Variants in ARID4B observed in about 807,000 individuals in gnomAD.
ARID4B encodes AT-rich interaction domain 4B.
Under a neutral mutation model 147.5 loss-of-function variants are expected in ARID4B, and 26 were observed. The observed-to-expected ratio is 0.18, with a 90% confidence interval of 0.13 to 0.24. The LOEUF (loss-of-function observed/expected upper bound fraction) is 0.24, where lower values mean the gene tolerates loss of function less well. Ranked by LOEUF, ARID4B falls within the 10% of genes least tolerant of loss-of-function variation. The pLI, the probability that ARID4B is intolerant of heterozygous loss-of-function variation, is 1.00. For missense variants in ARID4B, 1,179 were observed against 1,511.5 expected (o/e 0.78, Z 3.65); for synonymous variants, 512 against 507.9 (o/e 1.01, Z -0.11).
At chr1:235,292,011 T>A (rs571010286) in intron 2 of ARID4B, among the ~76,000 whole-genome samples, 1 of 152,250 alleles carries the variant, frequency 6.6e-6, no homozygotes, top group East Asian at 1.9e-4. Context: ...AAAGGGTTTT[T>A]ACTATATTCT....
intron 8 of ARID4B, 128 bp downstream of exon 8, chr1:235,240,185 A>G: frequency 1.2e-6 from 1 of 802,670 alleles, no homozygotes; most frequent in Non-Finnish European, 1.9e-6. Flanking sequence ...AAGTAAGCTT[A>G]GTGTGAACTA....
At chr1:235,324,525 A>G (rs1489060248) in intron 2 of ARID4B, among the ~76,000 whole-genome samples, 1 of 152,240 alleles carries the variant, frequency 6.6e-6, no homozygotes, top group Non-Finnish European at 1.5e-5. Context: ...AAATTTAAAG[A>G]TTTGTTGTCG....
intron 2 of ARID4B, among the ~76,000 whole-genome samples, chr1:235,299,106 C>T (rs2103239179): frequency 6.6e-6 from 1 of 152,260 alleles, no homozygotes; most frequent in East Asian, 1.9e-4. Flanking sequence ...AGCAGTCTTA[C>T]TGTAAGTCTC....
chr1:235,304,804 A>T (rs1673430022), intron 2 of ARID4B, among the ~76,000 whole-genome samples: 2 of 152,218 alleles, frequency 1.3e-5, no homozygotes, highest in Non-Finnish European at 2.9e-5. Flanking sequence ...AATTAAGTGT[A>T]TTCTATGCAT....
Position 235,311,846 on chromosome 1 carries a change from C to T in ARID4B, c.6+15068G>A, listed in dbSNP as rs143219106. 4.2e-3 allele frequency among the ~76,000 whole-genome samples: 636 copies of T among 152,184 alleles called. 4 individuals are homozygous for T. The highest frequency in any genetic ancestry group is 0.015 in the African/African-American group (606 of 41,520). On this transcript the variant is annotated intron_variant, in intron 2 of 23. Coordinates refer to ENST00000264183, the MANE Select transcript of ARID4B (RefSeq NM_016374.6). The stretch of plus-strand genomic sequence containing the variant: ...ACTGAATACTAAGCACTGCTACATA[C>T]CTGCAAAACTTAAAGAAACATACCG...
At chr1:235,265,714 A>T (rs1414603151) in intron 2 of ARID4B, among the ~76,000 whole-genome samples, 2 of 151,682 alleles carry the variant, frequency 1.3e-5, no homozygotes, top group African/African-American at 4.9e-5. Flanking sequence ...AAAGAAAAGA[A>T]AAAAAAGGGT....
At chr1:235,207,580 G>A (rs974515474) in intron 17 of ARID4B, among the ~76,000 whole-genome samples, 10 of 152,090 alleles carry the variant, frequency 6.6e-5, no homozygotes, top group African/African-American at 1.9e-4. Context: ...AAGAGGTAAG[G>A]GGTGGTAGGA....
intron 2 of ARID4B, among the ~76,000 whole-genome samples, chr1:235,297,923 T>C (rs1672857450): frequency 6.6e-6 from 1 of 152,192 alleles, no homozygotes; most frequent in African/African-American, 2.4e-5. Context: ...AAGACTTTAT[T>C]TGGGTCCTAA....
At chr1:235,246,137 A>G (rs1669286783) in intron 7 of ARID4B, among the ~76,000 whole-genome samples, 1 of 152,354 alleles carries the variant, frequency 6.6e-6, no homozygotes, top group Non-Finnish European at 1.5e-5. Context: ...TGATATTAGA[A>G]AACAAGCGAT....
At chr1:235,227,325 G>GT (rs900319489) in intron 11 of ARID4B, among the ~76,000 whole-genome samples, 1 of 152,138 alleles carries the variant, frequency 6.6e-6, no homozygotes, top group South Asian at 2.1e-4. Context: ...TACTCAGGAG[G>GT]TTTTTAGCAG....
chr1:235,199,645 T>C (rs10924970), intron 17 of ARID4B, among the ~76,000 whole-genome samples: 77,652 of 151,880 alleles, frequency 0.51, 20,541 homozygotes, highest in African/African-American at 0.62. Context: ...TCAGAGTAAG[T>C]TTAGTGAAGA....
At chr1:235,268,751 C>T (rs888488904) in intron 2 of ARID4B, among the ~76,000 whole-genome samples, 2 of 152,102 alleles carry the variant, frequency 1.3e-5, no homozygotes, top group African/African-American at 2.4e-5. Flanking sequence ...CTCCCGACTT[C>T]GTGATCCACC....
chr1:235,236,838 A>ATATATATATATATATATGTGTG (rs1558233448), intron 8 of ARID4B, among the ~76,000 whole-genome samples: 2 of 27,896 alleles, frequency 7.2e-5, no homozygotes, highest in Non-Finnish European at 1.4e-4. Context: ...TAAAAAATAT[A>ATATATATATATATATATGTGTG]TATATATATA....
chr1:235,267,392 T>G (rs1670672008), intron 2 of ARID4B, among the ~76,000 whole-genome samples: 3 of 152,214 alleles, frequency 2.0e-5, no homozygotes, highest in Admixed American at 2.0e-4. Flanking sequence ...CCCAATGAAC[T>G]ATTAAAATAA....
At chr1:235,273,908 G>A (rs1315199449) in intron 2 of ARID4B, among the ~76,000 whole-genome samples, 2 of 152,182 alleles carry the variant, frequency 1.3e-5, no homozygotes, top group Non-Finnish European at 2.9e-5. Context: ...GCCTCATGAT[G>A]TAGGAACATA....
At chr1:235,240,016 T>C (rs1668883382) in intron 8 of ARID4B, among the ~76,000 whole-genome samples, 1 of 152,148 alleles carries the variant, frequency 6.6e-6, no homozygotes, top group South Asian at 2.1e-4. Context: ...TTTTGCAATC[T>C]AGACCTACAT....
intron 20 of ARID4B, among the ~76,000 whole-genome samples, chr1:235,179,636 TA>T (rs1426745700): frequency 1.3e-5 from 2 of 151,468 alleles, no homozygotes; most frequent in African/African-American, 4.8e-5. Context: ...ATTCCACAAT[TA>T]TTAACCTAGT....
intron 2 of ARID4B, among the ~76,000 whole-genome samples, chr1:235,297,063 T>G (rs566995198): frequency 2.0e-5 from 3 of 152,018 alleles, no homozygotes; most frequent in Admixed American, 2.0e-4. Context: ...CTTAAAGAAA[T>G]AGCTGATTCC....
intron 23 of ARID4B, among the ~76,000 whole-genome samples, chr1:235,169,892 C>T (rs1663218640): frequency 6.6e-6 from 1 of 152,148 alleles, no homozygotes; most frequent in African/African-American, 2.4e-5. Flanking sequence ...GAACTCCTGA[C>T]CTCAGGTGAT....
Sources: allele counts gnomAD v4.1 joint callset (sites outside exome capture counted in the v4.1 genomes callset), GRCh38; gene constraint gnomAD v4.1.1; transcripts MANE v1.5; gene names NCBI Gene and HGNC (gene_info 2026-07-23, HGNC 2026-07-21).